The following RALYL variants were observed in gnomAD, a reference collection of about 807,000 sequenced individuals.
RALYL encodes the protein RALY RNA binding protein like.
RALYL carries 29 observed loss-of-function variants against 35.1 expected under a neutral mutation model. The observed-to-expected ratio is 0.83, with a 90% CI of 0.61 to 1.13. The LOEUF (loss-of-function observed/expected upper bound fraction) is 1.13, where lower values mean the gene tolerates loss of function less well. Ranked by LOEUF, RALYL falls within the 50% of genes most tolerant of loss-of-function variation. The pLI is 0.00. For missense variants in RALYL, 359 were observed against 360.4 expected (o/e 1.00, Z 0.03); for synonymous variants, 120 against 127.6 (o/e 0.94, Z 0.40).
chr8:84,516,656 C>T (rs1331962959), intron 1 of RALYL, among the ~76,000 whole-genome samples: 1 of 152,152 alleles, frequency 6.6e-6, no homozygotes, highest in South Asian at 2.1e-4. Flanking sequence ...GGAGACTTCA[C>T]ACCTTTCTCC....
intron 2 of RALYL, among the ~76,000 whole-genome samples, chr8:84,754,177 C>T (rs1026226172): frequency 6.6e-6 from 1 of 151,868 alleles, no homozygotes; most frequent in Non-Finnish European, 1.5e-5. Flanking sequence ...CCTTTTGTTG[C>T]CATTGCTTTT....
At chr8:84,393,620 C>G (rs1182725160) in intron 1 of RALYL, among the ~76,000 whole-genome samples, 5 of 152,214 alleles carry the variant, frequency 3.3e-5, no homozygotes, top group Non-Finnish European at 7.4e-5. Flanking sequence ...ATTCAACTTA[C>G]TATCCAGGAT....
chr8:84,689,751 C>G (rs1837625529), intron 2 of RALYL, among the ~76,000 whole-genome samples: 1 of 152,112 alleles, frequency 6.6e-6, no homozygotes, highest in Non-Finnish European at 1.5e-5. Flanking sequence ...TGTTTCCTGA[C>G]TTTTTAATGT....
intron 2 of RALYL, among the ~76,000 whole-genome samples, chr8:84,608,330 C>T (rs1031931068): frequency 6.6e-6 from 1 of 152,140 alleles, no homozygotes; most frequent in Non-Finnish European, 1.5e-5. Flanking sequence ...GAGACATGGG[C>T]ACCTCATGCA....
intron 1 of RALYL, among the ~76,000 whole-genome samples, chr8:84,439,301 C>A (rs757573861): frequency 6.6e-6 from 1 of 151,992 alleles, no homozygotes. Context: ...GATCTTTCAA[C>A]TCACAGGAGT....
intron 1 of RALYL, among the ~76,000 whole-genome samples, chr8:84,491,244 T>C (rs1323182212): frequency 6.6e-6 from 1 of 152,042 alleles, no homozygotes; most frequent in Non-Finnish European, 1.5e-5. Context: ...CTTAGGTAAG[T>C]GGCATCTCAT....
At chr8:84,592,954 CA>C (rs1813622193) in intron 2 of RALYL, among the ~76,000 whole-genome samples, 2 of 152,198 alleles carry the variant, frequency 1.3e-5, no homozygotes, top group South Asian at 4.1e-4. Flanking sequence ...ATCACTAAGA[CA>C]GGCTTCTTTG....
chr8:84,184,778 C>A, intron 1 of RALYL: 1 of 513,306 alleles, frequency 1.9e-6, no homozygotes, highest in Non-Finnish European at 3.4e-6. Context: ...CCGAGGGCCA[C>A]TTGCACAGCA....
At chr8:84,532,067 T>G (rs2059312640) in intron 2 of RALYL, among the ~76,000 whole-genome samples, 1 of 152,082 alleles carries the variant, frequency 6.6e-6, no homozygotes, top group Admixed American at 6.5e-5. Flanking sequence ...TCACACTTTG[T>G]GCCTGAAACC....
chr8:84,198,441 A>G (rs1815967686), intron 1 of RALYL, among the ~76,000 whole-genome samples: 1 of 152,142 alleles, frequency 6.6e-6, no homozygotes, highest in Non-Finnish European at 1.5e-5. Context: ...ACAGGCCGGC[A>G]ATGCATAACA....
chr8:84,755,314 C>T (rs79203576), intron 2 of RALYL, among the ~76,000 whole-genome samples: 2,747 of 152,170 alleles, frequency 0.018, 85 homozygotes, highest in African/African-American at 0.062. Context: ...GTTGTTAACC[C>T]GATATCAGTG....
At chr8:84,359,254 A>T (rs2131225932) in intron 1 of RALYL, among the ~76,000 whole-genome samples, 1 of 151,036 alleles carries the variant, frequency 6.6e-6, no homozygotes, top group African/African-American at 2.4e-5. Flanking sequence ...TTTTTTTTAA[A>T]GAACAAACAA....
rs551052982 is a variant in RALYL, at chr8:84,297,056, CA to C, written c.-24+112644del. 7.0e-3 allele frequency among the ~76,000 whole-genome samples: 874 copies of C among 125,046 alleles called. 7 individuals are homozygous for C. Among genetic ancestry groups the C allele is most frequent in the African/African-American group, 0.024 (773 of 31,730 alleles). The allele number at this position is 125,046 out of a possible 152,430, so 82.0% of individuals were successfully genotyped here. On this transcript the variant is annotated intron_variant, in intron 1 of 8. Coordinates refer to ENST00000521268, the MANE Select transcript of RALYL (RefSeq NM_173848.7). ...GACAGTACAGGCATTTCTTCATTTA[CA>C]AAAAAAAAAAATTTAGGGTCAGGGT...
chr8:84,282,747 CGTGTGTGTGT>C (rs5892909), intron 1 of RALYL, among the ~76,000 whole-genome samples: 57,608 of 148,688 alleles, frequency 0.39, 11,461 homozygotes, highest in East Asian at 0.52. Context: ...TATGTGTATG[CGTGTGTGTGT>C]GTGTGTGTGT....
intron 1 of RALYL, among the ~76,000 whole-genome samples, chr8:84,225,650 A>T (rs1316953745): frequency 6.6e-6 from 1 of 152,090 alleles, no homozygotes; most frequent in Non-Finnish European, 1.5e-5. Context: ...TTGATGTCTG[A>T]GATTTTATTC....
chr8:84,481,090 G>T (rs1341631860), intron 1 of RALYL, among the ~76,000 whole-genome samples: 1 of 152,114 alleles, frequency 6.6e-6, no homozygotes, highest in African/African-American at 2.4e-5. Context: ...TGTGCTAGCA[G>T]GAGATGTAGA....
In RALYL at chr8:84,569,810, G is replaced by A. The variant is rs796236611; in HGVS notation, c.256+40233G>A. Among the ~76,000 whole-genome samples the A allele has an allele frequency of 3.6e-3, 551 of 151,906 alleles. 4 individuals carry two copies. The highest frequency in any genetic ancestry group is 0.013 in the African/African-American group (536 of 41,506). ...AGTTTCATTTATTTGCATATGGCTA[G>A]CCAACTTCCCCAACACTATTTATCA... On this transcript the variant is annotated intron_variant, in intron 2 of 8. Transcript: ENST00000521268.
chr8:84,562,131 T>C (rs1021495603), intron 2 of RALYL, among the ~76,000 whole-genome samples: 10 of 151,966 alleles, frequency 6.6e-5, no homozygotes, highest in African/African-American at 1.9e-4. Flanking sequence ...CAGTAGTCTC[T>C]TGGATTCAAA....
At chr8:84,567,560 C>G (rs1368217424) in intron 2 of RALYL, among the ~76,000 whole-genome samples, 3 of 151,722 alleles carry the variant, frequency 2.0e-5, no homozygotes, top group African/African-American at 7.3e-5. Flanking sequence ...CATAGTATTC[C>G]TTGGTGTGTA....
Sources: gnomAD v4.1 joint callset for allele counts (sites outside exome capture counted in the v4.1 genomes callset) on GRCh38, gnomAD v4.1.1 for gene constraint, MANE v1.5 for transcripts, NCBI Gene and HGNC (gene_info 2026-07-23, HGNC 2026-07-21) for gene names.